The following FAF1 variants were observed in gnomAD, a reference collection of about 807,000 sequenced individuals.
FAF1 encodes the protein Fas associated factor 1, also known as FAS-associated factor 1.
Under a neutral mutation model 92.5 loss-of-function variants are expected in FAF1, and 25 were observed. The ratio of observed to expected loss-of-function variants is 0.27; its 90% CI spans 0.20 to 0.38. FAF1 has a LOEUF of 0.38. FAF1 is among the 10% of genes least tolerant of loss of function. FAF1 has a pLI of 1.00. For synonymous variants in FAF1, 234 were observed against 273.2 expected, an observed-to-expected ratio of 0.86 and a Z score of 1.42; for missense variants, 636 against 793.3, an observed-to-expected ratio of 0.80 and a Z score of 2.38.
chr1:50,733,956 C>A (rs1166256869), intron 6 of FAF1, among the ~76,000 whole-genome samples: 2 of 152,122 alleles, frequency 1.3e-5, no homozygotes, highest in Non-Finnish European at 2.9e-5. Flanking sequence ...ACCACCACAC[C>A]CAGATAATTT....
At chr1:50,677,183 A>G (rs1198018933) in intron 7 of FAF1, among the ~76,000 whole-genome samples, 1 of 152,198 alleles carries the variant, frequency 6.6e-6, no homozygotes, top group Non-Finnish European at 1.5e-5. Context: ...GCAAATTAAA[A>G]CAAGGTATCA....
At chr1:50,695,901 G>T (rs372170192) in intron 7 of FAF1, among the ~76,000 whole-genome samples, 2 of 149,918 alleles carry the variant, frequency 1.3e-5, no homozygotes, top group Non-Finnish European at 2.9e-5. Context: ...CATTCGCCTC[G>T]TCCTCCCAAA....
At chr1:50,791,945 T>C (rs1424093552) in intron 3 of FAF1, among the ~76,000 whole-genome samples, 1 of 152,228 alleles carries the variant, frequency 6.6e-6, no homozygotes. Context: ...GTCCTTGACC[T>C]TCAATTCACT....
chr1:50,501,532 G>A (rs2149016213), intron 15 of FAF1, among the ~76,000 whole-genome samples: 1 of 152,066 alleles, frequency 6.6e-6, no homozygotes, highest in South Asian at 2.1e-4. Flanking sequence ...GTGGTGGCAG[G>A]CACCTGTAAT....
At chr1:50,669,286 C>T (rs1655765302) in intron 7 of FAF1, among the ~76,000 whole-genome samples, 3 of 151,770 alleles carry the variant, frequency 2.0e-5, no homozygotes, top group Admixed American at 1.3e-4. Flanking sequence ...ACTATGGAGG[C>T]TTCCATAAAA....
chr1:50,566,990 G>C, intron 13 of FAF1, 87 bp downstream of exon 13: 2 of 1,025,914 alleles, frequency 1.9e-6, no homozygotes, highest in Non-Finnish European at 2.7e-6. Context: ...TTAATGCTGA[G>C]GATGAAAAAT....
chr1:50,456,588 G>A (rs892869208), intron 18 of FAF1, among the ~76,000 whole-genome samples: 2 of 152,198 alleles, frequency 1.3e-5, no homozygotes, highest in Non-Finnish European at 2.9e-5. Context: ...AACAAAAATA[G>A]TGGATGAATA....
intron 1 of FAF1, among the ~76,000 whole-genome samples, chr1:50,937,907 T>A (rs892237954): frequency 6.6e-6 from 1 of 152,224 alleles, no homozygotes; most frequent in Non-Finnish European, 1.5e-5. Flanking sequence ...TCGGGTAATA[T>A]GTATTTCTCT....
chr1:50,922,899 T>C (rs1030065165), intron 1 of FAF1, among the ~76,000 whole-genome samples: 8 of 150,158 alleles, frequency 5.3e-5, no homozygotes, highest in East Asian at 1.9e-4. Context: ...AAACTGCTCA[T>C]GAGACTAACA....
intron 15 of FAF1, among the ~76,000 whole-genome samples, chr1:50,495,341 A>T (rs917902160): frequency 6.6e-6 from 1 of 152,176 alleles, no homozygotes; most frequent in East Asian, 1.9e-4. Flanking sequence ...ACATTCTACA[A>T]ATTAAGTGAG....
intron 15 of FAF1, among the ~76,000 whole-genome samples, chr1:50,501,653 T>C (rs1646986376): frequency 7.4e-6 from 1 of 136,046 alleles, no homozygotes; most frequent in Non-Finnish European, 1.6e-5. Flanking sequence ...AGAGCAAGAC[T>C]CCGTCTCAAA....
rs1184677994 is a variant in FAF1 at position 50,636,596 on chromosome 1, TC to T, written c.744+18845del. 2.0e-5 allele frequency among the ~76,000 whole-genome samples: 3 copies of T among 152,260 alleles called. No individual in the cohort carries two copies. In the East Asian group the frequency reaches 5.8e-4, roughly 29 times the overall value. On this transcript the variant is annotated intron_variant, in intron 8 of 18. Transcript: ENST00000396153. ...GTCTTGAACTACTGACCTCAGGTGA[TC>T]CACCTGCCTTGGCCTCCCAAAGTGC...
At chr1:50,908,438 T>C (rs1397337234) in intron 1 of FAF1, among the ~76,000 whole-genome samples, 3 of 152,230 alleles carry the variant, frequency 2.0e-5, no homozygotes, top group Non-Finnish European at 4.4e-5. Context: ...GTTAACTTTC[T>C]GTCTCATTGA....
chr1:50,490,384 A>AAAGGAAGGAAGGAAGGAAGGAAGG (rs199911582), intron 17 of FAF1, among the ~76,000 whole-genome samples: 4 of 34,834 alleles, frequency 1.1e-4, no homozygotes, highest in East Asian at 7.2e-4. Flanking sequence ...TCTATCTCAA[A>AAAGGAAGGAAGGAAGGAAGGAAGG]AAGGAAGGAA....
chr1:50,597,786 TGAA>T (rs1374876286), intron 8 of FAF1, among the ~76,000 whole-genome samples: 2 of 152,112 alleles, frequency 1.3e-5, no homozygotes, highest in Non-Finnish European at 2.9e-5. Context: ...TGACAAGACA[TGAA>T]GAAAAATGAA....
chr1:50,670,607 T>C (rs1655833593), intron 7 of FAF1, among the ~76,000 whole-genome samples: 1 of 152,222 alleles, frequency 6.6e-6, no homozygotes, highest in Non-Finnish European at 1.5e-5. Flanking sequence ...ATTATACTTT[T>C]ATTATTTTTA....
intron 1 of FAF1, among the ~76,000 whole-genome samples, chr1:50,950,274 C>T (rs1645204222): frequency 6.6e-6 from 1 of 152,244 alleles, no homozygotes; most frequent in Non-Finnish European, 1.5e-5. Context: ...GTACAATGTT[C>T]TAACAACTGC....
chr1:50,478,249 C>T (rs911984652), intron 17 of FAF1, among the ~76,000 whole-genome samples: 5 of 151,778 alleles, frequency 3.3e-5, no homozygotes, highest in African/African-American at 1.2e-4. Flanking sequence ...CTGCAACCTC[C>T]GTCTCCCAGG....
chr1:50,519,069 C>T (rs1294739635), intron 15 of FAF1, among the ~76,000 whole-genome samples: 4 of 152,038 alleles, frequency 2.6e-5, no homozygotes, highest in Non-Finnish European at 4.4e-5. Flanking sequence ...CGGTGGCTCA[C>T]GCCTGCAATT....
Sources: gnomAD v4.1 joint callset for allele counts (sites outside exome capture counted in the v4.1 genomes callset) on GRCh38, gnomAD v4.1.1 for gene constraint, MANE v1.5 for transcripts, NCBI Gene and HGNC (gene_info 2026-07-23, HGNC 2026-07-21) for gene names.